Variants in TUSC3 observed in about 807,000 individuals in gnomAD.
TUSC3 encodes tumor suppressor candidate 3, also known as dolichyl-diphosphooligosaccharide--protein glycosyltransferase subunit TUSC3.
A neutral mutation model predicts 44.8 loss-of-function variants in TUSC3; 45 were observed. That is an observed-to-expected ratio of 1.00 (90% CI 0.79 to 1.29). The LOEUF is 1.29. Ranked by LOEUF, TUSC3 falls within the 50% of genes most tolerant of loss-of-function variation. The pLI, the probability that TUSC3 is intolerant of heterozygous loss-of-function variation, is 0.00. For synonymous variants in TUSC3, 212 were observed against 152.9 expected (o/e 1.39, Z -2.85); for missense variants, 519 against 437.9 (o/e 1.19, Z -1.65).
At chr8:15,623,844 T>C (rs77198086) in intron 2 of TUSC3, among the ~76,000 whole-genome samples, 4,614 of 152,220 alleles carry the variant, frequency 0.03, 210 homozygotes, top group African/African-American at 0.1. Context: ...GGTAACCTGT[T>C]GTAAAACTAT....
chr8:15,520,165 AC>A (rs1218744937), intron 2 of TUSC3, among the ~76,000 whole-genome samples: 1 of 152,084 alleles, frequency 6.6e-6, no homozygotes, highest in African/African-American at 2.4e-5. Flanking sequence ...TTCAGTAAGC[AC>A]CCCTTTTCTG....
chr8:15,699,751 CT>C (rs1360614365), intron 6 of TUSC3, among the ~76,000 whole-genome samples: 3 of 152,012 alleles, frequency 2.0e-5, no homozygotes, highest in Admixed American at 1.3e-4. Context: ...AGAGTATGGA[CT>C]TTTTTTAAGC....
chr8:15,794,053 C>G, the TUSC3 span, among the ~76,000 whole-genome samples: 2 of 152,196 alleles, frequency 1.3e-5, no homozygotes, highest in Non-Finnish European at 1.5e-5. Context: ...CTGCCATATC[C>G]TGATGCTTTT....
intron 1 of TUSC3, among the ~76,000 whole-genome samples, chr8:15,562,219 C>T (rs1459698891): frequency 6.6e-6 from 1 of 151,996 alleles, no homozygotes; most frequent in African/African-American, 2.4e-5. Flanking sequence ...AGTGATTTAC[C>T]AACACTGTTA....
chr8:15,486,754 A>G (rs1229785308), intron 2 of TUSC3, among the ~76,000 whole-genome samples: 2 of 151,990 alleles, frequency 1.3e-5, no homozygotes. Context: ...CCTCTCCCAC[A>G]ATTTTCTAAG....
chr8:15,807,016 C>G, the TUSC3 span: 1 of 1,434,708 alleles, frequency 7.0e-7, no homozygotes, highest in Non-Finnish European at 9.8e-7. Flanking sequence ...AGAAGGTGCT[C>G]CTGCAGACCC....
intron 6 of TUSC3, among the ~76,000 whole-genome samples, chr8:15,715,160 T>C (rs1202286599): frequency 1.3e-5 from 2 of 152,124 alleles, no homozygotes; most frequent in Non-Finnish European, 1.5e-5. Flanking sequence ...AAGACCATCA[T>C]TCAGTGCTTG....
chr8:15,593,798 T>G (rs1054008596), intron 1 of TUSC3, among the ~76,000 whole-genome samples: 10 of 152,160 alleles, frequency 6.6e-5, no homozygotes, highest in Non-Finnish European at 1.0e-4. Flanking sequence ...TGCACTGTTG[T>G]TTACCATCGT....
chr8:15,565,442 G>C (rs1802629925), intron 1 of TUSC3, among the ~76,000 whole-genome samples: 1 of 152,014 alleles, frequency 6.6e-6, no homozygotes, highest in Non-Finnish European at 1.5e-5. Flanking sequence ...GGACATCTTT[G>C]GTGGGTTGGG....
intron 1 of TUSC3, among the ~76,000 whole-genome samples, chr8:15,596,832 T>C (rs1804091173): frequency 6.6e-6 from 1 of 152,166 alleles, no homozygotes; most frequent in Admixed American, 6.6e-5. Flanking sequence ...AAATGTTTTA[T>C]GAAATATAAA....
chr8:15,481,988 A>G (rs547183788), intron 1 of TUSC3, among the ~76,000 whole-genome samples: 6 of 152,318 alleles, frequency 3.9e-5, no homozygotes, highest in Non-Finnish European at 4.4e-5. Flanking sequence ...ATCGGAGTCA[A>G]TCTTCTCCAA....
intron 1 of TUSC3, among the ~76,000 whole-genome samples, chr8:15,542,234 T>C (rs193230051): frequency 6.6e-6 from 1 of 152,166 alleles, no homozygotes; most frequent in East Asian, 1.9e-4. Context: ...TGATTGGCAA[T>C]TGGTTGAAAG....
At chr8:15,795,896 C>G in the TUSC3 span, among the ~76,000 whole-genome samples, 1 of 152,116 alleles carries the variant, frequency 6.6e-6, no homozygotes, top group African/African-American at 2.4e-5. Flanking sequence ...TGTCTACCCC[C>G]CAGAATGCCA....
In TUSC3 at chr8:15,765,804, C is replaced by G. The variant is rs1361838484; in HGVS notation, c.*1648C>G. 1 of 151,964 alleles carries G rather than the reference C, an allele frequency of 6.6e-6. No individual in the cohort carries two copies. Among genetic ancestry groups the G allele is most frequent in the Non-Finnish European group, 1.5e-5 (1 of 67,950 alleles). 9.4% of individuals were successfully genotyped at this position (151,964 alleles called of 1,614,324 possible). ...TGCCTATCACTAGGCAGAACTTGAC[C>G]TGTAATTCTTAATCCATTGTAGATT... is the stretch of plus-strand genomic sequence containing the variant. On this transcript the variant is annotated 3_prime_UTR_variant, in exon 11 of 11. Transcript: ENST00000503731.
chr8:15,478,798 G>C (rs941953249), intron 1 of TUSC3, among the ~76,000 whole-genome samples: 1 of 152,118 alleles, frequency 6.6e-6, no homozygotes, highest in Non-Finnish European at 1.5e-5. Context: ...TATATACCTA[G>C]TAATGGGATT....
rs543746559 is a variant in TUSC3 at position 15,552,623 on chromosome 8, G to A, written c.138+12055G>A. ...GCAAATTCAGAGAACTCAAAGCTTG[G>A]TATGGCTAAGTTTAGAATACACAGG... On this transcript the variant is annotated intron_variant, in intron 1 of 10. Coordinates refer to ENST00000503731, the MANE Select transcript of TUSC3 (RefSeq NM_006765.4). 7.9e-5 allele frequency among the ~76,000 whole-genome samples: 12 copies of A among 151,772 alleles called. 1 individual carries two copies. In the East Asian group the frequency reaches 2.3e-3, roughly 30 times the overall value.
At chr8:15,546,455 T>G (rs1031179600) in intron 1 of TUSC3, among the ~76,000 whole-genome samples, 4 of 151,504 alleles carry the variant, frequency 2.6e-5, no homozygotes, top group Non-Finnish European at 5.9e-5. Context: ...AGTATTACTG[T>G]TTTTTTTACA....
At chr8:15,631,938 A>C (rs746029800) in intron 2 of TUSC3, among the ~76,000 whole-genome samples, 4 of 151,760 alleles carry the variant, frequency 2.6e-5, no homozygotes, top group Non-Finnish European at 5.9e-5. Flanking sequence ...TGAACTCCTG[A>C]CCTCCTGATC....
chr8:15,432,816 C>A (rs1302963987), intron 1 of TUSC3, among the ~76,000 whole-genome samples: 3 of 152,080 alleles, frequency 2.0e-5, no homozygotes, highest in African/African-American at 4.8e-5. Flanking sequence ...TTGCTTCCCC[C>A]ACATGGAAAA....
Sources: allele counts gnomAD v4.1 joint callset (sites outside exome capture counted in the v4.1 genomes callset), GRCh38; gene constraint gnomAD v4.1.1; transcripts MANE v1.5; gene names NCBI Gene and HGNC (gene_info 2026-07-23, HGNC 2026-07-21).